The following WDR70 variants were observed in gnomAD, a reference collection of about 807,000 sequenced individuals.
WDR70 encodes the protein WD repeat domain 70.
WDR70 carries 53 observed loss-of-function variants against 88.6 expected under a neutral mutation model. That is an observed-to-expected ratio of 0.60 (90% CI 0.48 to 0.75). WDR70 has a LOEUF of 0.75. WDR70 is among the 30% of genes least tolerant of loss of function. WDR70 has a pLI of 0.00. For synonymous variants in WDR70, 280 were observed against 270.0 expected, an observed-to-expected ratio of 1.04 and a Z score of -0.36; for missense variants, 610 against 823.2, an observed-to-expected ratio of 0.74 and a Z score of 3.17.
chr5:37,580,060 G>A (rs1426014371), intron 9 of WDR70, among the ~76,000 whole-genome samples: 1 of 152,068 alleles, frequency 6.6e-6, no homozygotes, highest in Non-Finnish European at 1.5e-5. Flanking sequence ...ATATAACTTA[G>A]TATAAATATG....
chr5:37,692,445 A>T (rs1746827687), intron 10 of WDR70, among the ~76,000 whole-genome samples: 1 of 152,212 alleles, frequency 6.6e-6, no homozygotes, highest in Non-Finnish European at 1.5e-5. Flanking sequence ...TTCCTGATGA[A>T]CGTTGATGCA....
chr5:37,528,084 A>T (rs1295026257), intron 9 of WDR70, among the ~76,000 whole-genome samples: 1 of 152,200 alleles, frequency 6.6e-6, no homozygotes, highest in Admixed American at 6.5e-5. Context: ...TTCCTCGAGG[A>T]TCTATAACTA....
chr5:37,394,082 G>GGGCA (rs1748931748), intron 4 of WDR70, among the ~76,000 whole-genome samples: 1 of 152,062 alleles, frequency 6.6e-6, no homozygotes, highest in African/African-American at 2.4e-5. Flanking sequence ...CGAACTGGGT[G>GGGCA]GATCACGAGG....
intron 10 of WDR70, among the ~76,000 whole-genome samples, chr5:37,657,707 A>AG (rs1327509094): frequency 1.3e-5 from 2 of 152,204 alleles, no homozygotes; most frequent in African/African-American, 4.8e-5. Flanking sequence ...TCACTGAATC[A>AG]GGACCATCTG....
chr5:37,689,120 G>A (rs1746702243), intron 10 of WDR70, among the ~76,000 whole-genome samples: 1 of 152,252 alleles, frequency 6.6e-6, no homozygotes, highest in Non-Finnish European at 1.5e-5. Flanking sequence ...CAAGGCGGCA[G>A]CCTGGCTGGG....
intron 5 of WDR70, among the ~76,000 whole-genome samples, chr5:37,428,045 A>G (rs2112013946): frequency 6.6e-6 from 1 of 150,404 alleles, no homozygotes; most frequent in East Asian, 2.0e-4. Context: ...AAACCACAGC[A>G]GCCTTTTGGA....
At chr5:37,445,461 A>G (rs1457716730) in intron 7 of WDR70, among the ~76,000 whole-genome samples, 1 of 151,898 alleles carries the variant, frequency 6.6e-6, no homozygotes, top group East Asian at 1.9e-4. Flanking sequence ...CTTCTTAAAG[A>G]AAAACTTTTC....
intron 14 of WDR70, 37 bp downstream of exon 14, chr5:37,721,252 A>G: frequency 6.3e-7 from 1 of 1,577,954 alleles, no homozygotes; most frequent in Non-Finnish European, 8.7e-7. Flanking sequence ...GATGGATGAC[A>G]ACAACTGGGG....
chr5:37,529,059 C>A (rs1414353164), intron 9 of WDR70, among the ~76,000 whole-genome samples: 2 of 151,990 alleles, frequency 1.3e-5, no homozygotes, highest in African/African-American at 4.8e-5. Context: ...ATTATCCAAG[C>A]ACCATTTATT....
intron 8 of WDR70, among the ~76,000 whole-genome samples, chr5:37,515,060 A>G (rs1229767908): frequency 6.6e-6 from 1 of 152,072 alleles, no homozygotes; most frequent in Non-Finnish European, 1.5e-5. Context: ...ACTAATAACA[A>G]ACCTGTTACA....
chr5:37,450,252 G>A (rs1738633241), intron 7 of WDR70, among the ~76,000 whole-genome samples: 1 of 151,986 alleles, frequency 6.6e-6, no homozygotes, highest in Non-Finnish European at 1.5e-5. Flanking sequence ...TAATCCTTTG[G>A]GTATACACCT....
intron 8 of WDR70, among the ~76,000 whole-genome samples, chr5:37,501,370 A>G (rs1740400908): frequency 6.6e-6 from 1 of 152,054 alleles, no homozygotes; most frequent in Non-Finnish European, 1.5e-5. Context: ...TAGAATTTTT[A>G]TGGGTTCAGG....
At chr5:37,751,011 A>T (rs929231428) in intron 17 of WDR70, among the ~76,000 whole-genome samples, 4 of 152,216 alleles carry the variant, frequency 2.6e-5, no homozygotes, top group Admixed American at 2.0e-4. Context: ...ATTACAACTA[A>T]CATTGATGAG....
At chr5:37,739,567 G>A (rs977658350) in intron 17 of WDR70, among the ~76,000 whole-genome samples, 6 of 151,800 alleles carry the variant, frequency 4.0e-5, no homozygotes, top group African/African-American at 1.5e-4. Flanking sequence ...TATTTCTTAT[G>A]TTGCTGTCAT....
intron 10 of WDR70, among the ~76,000 whole-genome samples, chr5:37,684,126 T>C (rs1746514926): frequency 6.6e-6 from 1 of 152,210 alleles, no homozygotes; most frequent in African/African-American, 2.4e-5. Context: ...TTCATTTTGG[T>C]CTATTCTGCT....
intron 10 of WDR70, among the ~76,000 whole-genome samples, chr5:37,691,276 A>G (rs1025119678): frequency 2.0e-5 from 3 of 152,208 alleles, no homozygotes; most frequent in Non-Finnish European, 4.4e-5. Context: ...GGAGACTTTA[A>G]CACCCCACTG....
At chr5:37,674,478 C>T (rs1043444009) in intron 10 of WDR70, among the ~76,000 whole-genome samples, 13 of 152,114 alleles carry the variant, frequency 8.5e-5, no homozygotes, top group African/African-American at 9.6e-5. Flanking sequence ...TGAGAACATG[C>T]GGTGTTTCAT....
At chr5:37,569,035 C>T (rs564781751) in intron 9 of WDR70, among the ~76,000 whole-genome samples, 1 of 152,282 alleles carries the variant, frequency 6.6e-6, no homozygotes, top group South Asian at 2.1e-4. Context: ...ACAATATATA[C>T]ATGAGGGAGG....
intron 9 of WDR70, among the ~76,000 whole-genome samples, chr5:37,575,267 T>C (rs750322730): frequency 5.3e-5 from 8 of 152,216 alleles, no homozygotes; most frequent in Non-Finnish European, 8.8e-5. Flanking sequence ...TTTCTGACAC[T>C]GAGCTCCTAA....
Sources: allele counts gnomAD v4.1 joint callset (sites outside exome capture counted in the v4.1 genomes callset), GRCh38; gene constraint gnomAD v4.1.1; transcripts MANE v1.5; gene names NCBI Gene and HGNC (gene_info 2026-07-23, HGNC 2026-07-21).